The following EIF2AK2 variants were observed in gnomAD, a reference collection of about 807,000 sequenced individuals.
EIF2AK2 encodes the protein eukaryotic translation initiation factor 2 alpha kinase 2, also known as interferon-induced, double-stranded RNA-activated protein kinase.
In EIF2AK2, 40 loss-of-function variants were observed where a neutral mutation model predicts 70.5. That is an observed-to-expected ratio of 0.57 (90% CI 0.44 to 0.74). EIF2AK2 has a LOEUF of 0.74. EIF2AK2 is among the 30% of genes least tolerant of loss of function. The pLI is 0.00. For missense variants in EIF2AK2, 555 were observed against 644.3 expected, an observed-to-expected ratio of 0.86 and a Z score of 1.50; for synonymous variants, 198 against 220.9, an observed-to-expected ratio of 0.90 and a Z score of 0.92.
intron 4 of EIF2AK2, among the ~76,000 whole-genome samples, chr2:37,144,748 T>C (rs1295175555): frequency 1.3e-5 from 2 of 152,208 alleles, no homozygotes; most frequent in African/African-American, 4.8e-5. Flanking sequence ...GCCCGGCTAA[T>C]GTTTTGTGTT....
chr2:37,107,301 G>A lies in EIF2AK2; in HGVS notation c.1628C>T (p.Pro543Leu). ...ACATGTGTGTCGTTCATTTTTCTCT[G>A]GGCTTTTCTTCCACACAGTCAAGGT... is the stretch of plus-strand genomic sequence containing the variant. ...LRTLTVWKKS[P>L]EKNERHTC Residue 543 changes from proline (P) to leucine (L), a missense_variant, in exon 17 of 17, where the codon CCA (proline) becomes CTA (leucine). This residue lies in a region of EIF2AK2 where 299 missense variants were observed against 375.4 expected (regional missense o/e 0.80). Coordinates refer to ENST00000233057, the MANE Select transcript of EIF2AK2 (RefSeq NM_001135651.3). The A allele has an allele frequency of 6.2e-7, 1 of 1,613,380 alleles. No individual in the cohort carries two copies. The highest frequency in any genetic ancestry group is 8.5e-7 in the Non-Finnish European group (1 of 1,179,834).
At chr2:37,141,527 G>A (rs1170792297) in intron 5 of EIF2AK2, 26 bp downstream of exon 5, 2 of 1,600,756 alleles carry the variant, frequency 1.2e-6, no homozygotes, top group Admixed American at 1.8e-5. Context: ...CAATGAAACA[G>A]AAAGAAAAGC....
chr2:37,153,194 T>G (rs903603123), intron 1 of EIF2AK2, among the ~76,000 whole-genome samples: 2 of 152,164 alleles, frequency 1.3e-5, no homozygotes, highest in South Asian at 2.1e-4. Context: ...TTCAATGTAT[T>G]AATTCCCTGC....
intron 2 of EIF2AK2, among the ~76,000 whole-genome samples, chr2:37,148,328 A>G (rs1675626082): frequency 6.6e-6 from 1 of 152,182 alleles, no homozygotes; most frequent in Non-Finnish European, 1.5e-5. Context: ...TGTTGAGAAG[A>G]AAAAGATTTA....
intron 8 of EIF2AK2, among the ~76,000 whole-genome samples, chr2:37,137,824 G>C (rs1675179699): frequency 1.3e-5 from 2 of 152,018 alleles, no homozygotes; most frequent in South Asian, 4.1e-4. Context: ...AAGTCAAAAA[G>C]CTGCCGAGCC....
At chr2:37,123,273 A>G (rs1411496961) in intron 11 of EIF2AK2, among the ~76,000 whole-genome samples, 3 of 152,040 alleles carry the variant, frequency 2.0e-5, no homozygotes, top group Admixed American at 6.5e-5. Flanking sequence ...TAATTAATTT[A>G]TTTATTTTAT....
rs369582784 is a variant in EIF2AK2 at position 37,154,654 on chromosome 2, G to A, written c.-184+2254C>T. Among the ~76,000 whole-genome samples, 14 of 152,140 alleles carry A rather than the reference G, an allele frequency of 9.2e-5. No homozygotes were observed. The East Asian group carries it at 2.3e-3, about 25-fold the overall frequency. On this transcript the variant is annotated intron_variant, in intron 1 of 16. Transcript: ENST00000233057. ...CGGCTCGCTGCAACCTCTGCCTCCC[G>A]GGTTCAAGCGATTCTCCTGCCTCAG...
chr2:37,141,841 T>C, intron 4 of EIF2AK2, 140 bp from the exon 5 acceptor site: 4 of 883,616 alleles, frequency 4.5e-6, no homozygotes, highest in Non-Finnish European at 6.5e-6. Context: ...TATATTACCT[T>C]GAGCAAAAGT....
intron 14 of EIF2AK2, chr2:37,109,508 A>G (rs1674074116): frequency 2.0e-6 from 1 of 488,412 alleles, no homozygotes; most frequent in African/African-American, 1.9e-5. Context: ...CATGGGAATA[A>G]TCTCAGTTAT....
At chr2:37,156,710 C>G (rs1369787228) in intron 1 of EIF2AK2, among the ~76,000 whole-genome samples, 198 bp downstream of exon 1, 3 of 152,198 alleles carry the variant, frequency 2.0e-5, no homozygotes, top group Non-Finnish European at 4.4e-5. Flanking sequence ...GGGGAGGGCC[C>G]CACACCCGGG....
rs1673966606 is a variant in EIF2AK2 at position 37,106,457 on chromosome 2, G to T, written c.*816C>A. The T allele has an allele frequency of 6.6e-6, 1 of 151,782 alleles. No homozygotes were observed. 9.4% of individuals were successfully genotyped at this position (151,782 alleles called of 1,614,324 possible). On this transcript the variant is annotated 3_prime_UTR_variant, in exon 17 of 17. Coordinates refer to ENST00000233057, the MANE Select transcript of EIF2AK2 (RefSeq NM_001135651.3). Reference sequence around the variant, plus strand: ...TTGGCTATTATAAACAGGGTTTTATGGACATTCTTGTAAGCACGTATGTAG... The same window carrying T: ...TTGGCTATTATAAACAGGGTTTTATTGACATTCTTGTAAGCACGTATGTAG...
chr2:37,140,014 C>G (rs923344108), intron 5 of EIF2AK2, among the ~76,000 whole-genome samples: 1 of 148,814 alleles, frequency 6.7e-6, no homozygotes, highest in Non-Finnish European at 1.5e-5. Context: ...GCTGAAAGAT[C>G]TGGCACAAAG....
intron 4 of EIF2AK2, among the ~76,000 whole-genome samples, chr2:37,144,038 C>G (rs1328415412): frequency 6.6e-6 from 1 of 152,068 alleles, no homozygotes; most frequent in Non-Finnish European, 1.5e-5. Context: ...GACAGTGGTC[C>G]CATAAGATTA....
rs1386945420 is a variant in EIF2AK2 at position 37,100,064 on chromosome 2, A to C, written c.*7209T>G. Reference sequence around the variant, plus strand: ...ATAGTTGCACAACTCTGAATATAGTAAACACTACTGAATTGTATACTGTAT... The same window carrying C: ...ATAGTTGCACAACTCTGAATATAGTCAACACTACTGAATTGTATACTGTAT... On this transcript the variant is annotated 3_prime_UTR_variant, in exon 17 of 17. Transcript: ENST00000233057. 6.6e-6 allele frequency: 1 copy of C among 152,210 alleles called. No individual in the cohort carries two copies. Among genetic ancestry groups the C allele is most frequent in the Non-Finnish European group, 1.5e-5 (1 of 68,054 alleles). 9.4% of individuals were successfully genotyped at this position (152,210 alleles called of 1,614,324 possible). A position where few individuals can be genotyped will look rare whatever the true frequency, so the allele number is the denominator to read the frequency against.
At chr2:37,119,633 C>G (rs539028139) in intron 13 of EIF2AK2, among the ~76,000 whole-genome samples, 1 of 151,160 alleles carries the variant, frequency 6.6e-6, no homozygotes, top group Admixed American at 6.6e-5. Context: ...CACTCTTCAC[C>G]TAGGCTGGAG....
At chr2:37,120,658 G>T (rs1674511061) in intron 12 of EIF2AK2, among the ~76,000 whole-genome samples, 2 of 149,310 alleles carry the variant, frequency 1.3e-5, no homozygotes, top group Non-Finnish European at 3.0e-5. Flanking sequence ...TATTTGTTTA[G>T]CTAATTTATA....
intron 8 of EIF2AK2, among the ~76,000 whole-genome samples, chr2:37,137,452 A>C (rs934918365): frequency 6.6e-6 from 1 of 152,198 alleles, no homozygotes; most frequent in Non-Finnish European, 1.5e-5. Flanking sequence ...GCTTATGTGC[A>C]CAAAAAAATT....
chr2:37,127,543 C>T (rs1305092122), intron 10 of EIF2AK2, among the ~76,000 whole-genome samples: 1 of 152,138 alleles, frequency 6.6e-6, no homozygotes, highest in Non-Finnish European at 1.5e-5. Flanking sequence ...TGTCTGTTCT[C>T]GAACTTTCAC....
intron 4 of EIF2AK2, among the ~76,000 whole-genome samples, chr2:37,145,479 G>C (rs888060076): frequency 2.6e-5 from 4 of 152,092 alleles, no homozygotes; most frequent in African/African-American, 9.7e-5. Context: ...TTTGGAAAGA[G>C]TGAAAATGTT....
Sources: allele counts gnomAD v4.1 joint callset (sites outside exome capture counted in the v4.1 genomes callset), GRCh38; gene constraint gnomAD v4.1.1; regional missense constraint gnomAD v4.1.1; transcripts MANE v1.5; gene names NCBI Gene and HGNC (gene_info 2026-07-23, HGNC 2026-07-21).